ULK4: variants seen among roughly 807,000 people sequenced by gnomAD.
ULK4 encodes the protein inactive serine/threonine-protein kinase ULK4.
ULK4 carries 133 observed loss-of-function variants against 160.6 expected under a neutral mutation model. The ratio of observed to expected loss-of-function variants is 0.83; its 90% confidence interval spans 0.72 to 0.96. ULK4 has a LOEUF of 0.96. ULK4 is among the 40% of genes least tolerant of loss of function. The pLI, the probability that ULK4 is intolerant of heterozygous loss-of-function variation, is 0.00. For missense variants in ULK4, 1,580 were observed against 1,499.5 expected (o/e 1.05, Z -0.89); for synonymous variants, 534 against 539.8 (o/e 0.99, Z 0.15).
At chr3:41,808,208 T>C (rs2040710861) in intron 19 of ULK4, among the ~76,000 whole-genome samples, 1 of 152,212 alleles carries the variant, frequency 6.6e-6, no homozygotes, top group South Asian at 2.1e-4. Context: ...TTGCTCTTTG[T>C]CTTATTTCTT....
intron 21 of ULK4, among the ~76,000 whole-genome samples, chr3:41,757,652 A>G (rs1017302497): frequency 7.0e-6 from 1 of 143,346 alleles, no homozygotes; most frequent in Non-Finnish European, 1.5e-5. Flanking sequence ...AAAAAAAAAA[A>G]GTTAAGAGTC....
chr3:41,284,563 T>C (rs894274324), intron 35 of ULK4, among the ~76,000 whole-genome samples: 3 of 152,150 alleles, frequency 2.0e-5, no homozygotes, highest in African/African-American at 7.2e-5. Flanking sequence ...TGAAACAGGA[T>C]CCTCATCTCT....
chr3:41,649,975 C>G (rs1007535084), intron 30 of ULK4, among the ~76,000 whole-genome samples: 3 of 152,200 alleles, frequency 2.0e-5, no homozygotes, highest in African/African-American at 7.2e-5. Context: ...CAGACTCAGA[C>G]AGACATTGGG....
At chr3:41,412,539 G>A (rs537024407) in intron 34 of ULK4, among the ~76,000 whole-genome samples, 1 of 135,968 alleles carries the variant, frequency 7.4e-6, no homozygotes, top group African/African-American at 2.7e-5. Context: ...AAAGGTCAAT[G>A]GCAATGCAGT....
chr3:41,432,453 A>G (rs1362478965), intron 34 of ULK4, among the ~76,000 whole-genome samples: 1 of 152,226 alleles, frequency 6.6e-6, no homozygotes, highest in Non-Finnish European at 1.5e-5. Flanking sequence ...TGTAAAAAGA[A>G]GGCTCTTCTG....
At chr3:41,373,909 A>G (rs1356140707) in intron 35 of ULK4, among the ~76,000 whole-genome samples, 1 of 152,224 alleles carries the variant, frequency 6.6e-6, no homozygotes, top group Admixed American at 6.5e-5. Context: ...TAAAAAAGAA[A>G]AGAGAGAAGA....
At chr3:41,539,089 A>G (rs2086611309) in intron 32 of ULK4, among the ~76,000 whole-genome samples, 1 of 141,744 alleles carries the variant, frequency 7.1e-6, no homozygotes, top group Non-Finnish European at 1.5e-5. Context: ...GTGAGTTTTT[A>G]CAAATTCTCA....
chr3:41,689,570 C>T (rs1257030041), intron 27 of ULK4, among the ~76,000 whole-genome samples: 1 of 152,080 alleles, frequency 6.6e-6, no homozygotes, highest in East Asian at 1.9e-4. Context: ...CCAGCATCTA[C>T]AATGAACTCA....
At chr3:41,526,803 T>C (rs2086133455) in intron 32 of ULK4, among the ~76,000 whole-genome samples, 1 of 152,212 alleles carries the variant, frequency 6.6e-6, no homozygotes, top group South Asian at 2.1e-4. Context: ...TGGAGTGTTG[T>C]AGGGTTTTTT....
intron 17 of ULK4, among the ~76,000 whole-genome samples, chr3:41,848,163 C>G (rs958179108): frequency 5.9e-5 from 9 of 152,172 alleles, no homozygotes; most frequent in Non-Finnish European, 1.2e-4. Context: ...CTTGTCACTT[C>G]CCTGTTAAGG....
At chr3:41,547,717 C>T (rs1190573083) in intron 32 of ULK4, among the ~76,000 whole-genome samples, 2 of 152,204 alleles carry the variant, frequency 1.3e-5, no homozygotes, top group South Asian at 4.1e-4. Context: ...GGCCCAATAG[C>T]CCCTAAATCT....
chr3:41,400,993 A>T (rs1438360456), intron 34 of ULK4, among the ~76,000 whole-genome samples: 2 of 152,134 alleles, frequency 1.3e-5, no homozygotes, highest in Admixed American at 1.3e-4. Context: ...TGGGTGTTTG[A>T]TTCTTTATTC....
rs554957882 is a variant in ULK4 at position 41,610,501 on chromosome 3, C to A, written c.3120+5168G>T. Among the ~76,000 whole-genome samples the A allele has an allele frequency of 3.9e-5, 6 of 152,208 alleles. No individual in the cohort carries two copies. The South Asian group carries it at 1.2e-3, about 32-fold the overall frequency. Reference sequence around the variant, plus strand: ...AGTAGAGTGGAGCAAATTTTATAAGCCTGATGGATGCATAGGATTGAAAAC... The same window carrying A: ...AGTAGAGTGGAGCAAATTTTATAAGACTGATGGATGCATAGGATTGAAAAC... On this transcript the variant is annotated intron_variant, in intron 31 of 36. Transcript: ENST00000301831.
intron 32 of ULK4, among the ~76,000 whole-genome samples, chr3:41,474,521 T>C (rs1034688027): frequency 1.3e-5 from 2 of 151,844 alleles, no homozygotes; most frequent in Non-Finnish European, 2.9e-5. Context: ...CATCCAAATA[T>C]AAAGTTTCTG....
At chr3:41,722,332 T>C (rs1344586950) in intron 22 of ULK4, among the ~76,000 whole-genome samples, 9 of 151,644 alleles carry the variant, frequency 5.9e-5, no homozygotes, top group Admixed American at 2.6e-4. Context: ...CCTCAACTTA[T>C]TAAAATGAAA....
At chr3:41,348,206 C>CAA (rs1197234650) in intron 35 of ULK4, among the ~76,000 whole-genome samples, 460 of 22,958 alleles carry the variant, frequency 0.02, 43 homozygotes, top group East Asian at 0.098. Context: ...AACTCTGTCT[C>CAA]AAAAAAAAAA....
At chr3:41,929,144 T>C (rs961500909) in intron 5 of ULK4, among the ~76,000 whole-genome samples, 19 of 152,304 alleles carry the variant, frequency 1.2e-4, no homozygotes, top group African/African-American at 4.6e-4. Flanking sequence ...TTATCCATCA[T>C]GATCAAGTCA....
rs1698790691 is a variant in ULK4, at chr3:41,911,662, A to G, written c.897-3T>C. The stretch of plus-strand genomic sequence containing the variant: ...CAGAACACTCCATAGTGTTTCTGCT[A>G]TTATTGGAGAAAACCAACACAATCA... On this transcript the variant is annotated splice_polypyrimidine_tract_variant and splice_region_variant and intron_variant, in intron 9 of 36. Transcript: ENST00000301831. The G allele has an allele frequency of 6.2e-7, 1 of 1,606,136 alleles. No homozygotes were observed. Among genetic ancestry groups the G allele is most frequent in the Admixed American group, 1.7e-5 (1 of 59,650 alleles).
intron 32 of ULK4, among the ~76,000 whole-genome samples, chr3:41,557,221 C>A (rs2087330883): frequency 6.6e-6 from 1 of 151,764 alleles, no homozygotes; most frequent in Admixed American, 6.6e-5. Flanking sequence ...AGAAGAGTAC[C>A]TCCTTACCCA....
Sources: gnomAD v4.1 joint callset for allele counts (sites outside exome capture counted in the v4.1 genomes callset) on GRCh38, gnomAD v4.1.1 for gene constraint, MANE v1.5 for transcripts, NCBI Gene and HGNC (gene_info 2026-07-23, HGNC 2026-07-21) for gene names.